Variants in CNTNAP3 observed in about 807,000 individuals in gnomAD.
CNTNAP3 encodes contactin-associated protein-like 3.
A neutral mutation model predicts 92.1 loss-of-function variants in CNTNAP3; 36 were observed. The observed-to-expected ratio is 0.39, with a 90% CI of 0.30 to 0.52. The LOEUF (loss-of-function observed/expected upper bound fraction) is 0.52. Ranked by LOEUF, CNTNAP3 falls within the 20% of genes least tolerant of loss-of-function variation. CNTNAP3 has a pLI of 0.76. For synonymous variants in CNTNAP3, 232 were observed against 422.3 expected, an observed-to-expected ratio of 0.55 and a Z score of 5.53; for missense variants, 534 against 1,069.6, an observed-to-expected ratio of 0.50 and a Z score of 6.98.
chr9:39,136,772 A>G (rs1821447000), intron 12 of CNTNAP3, among the ~76,000 whole-genome samples: 1 of 152,010 alleles, frequency 6.6e-6, no homozygotes, highest in African/African-American at 2.4e-5. Flanking sequence ...ATGGTGTCAC[A>G]TGCCCATAAT....
intron 21 of CNTNAP3, among the ~76,000 whole-genome samples, chr9:39,084,699 GTTTTGGTATAATTACTAAA>G (rs1473960209): frequency 6.6e-6 from 1 of 152,124 alleles, no homozygotes; most frequent in Non-Finnish European, 1.5e-5. Flanking sequence ...TAAAATTGTA[GTTTTGGTATAATTACTAAA>G]TGATGTGAGA....
intron 15 of CNTNAP3, 69 bp from the exon 16 acceptor site, chr9:39,103,983 A>G: frequency 6.7e-7 from 1 of 1,501,178 alleles, no homozygotes; most frequent in East Asian, 2.3e-5. Flanking sequence ...TACATTTGAT[A>G]CTTACAGGAT....
intron 14 of CNTNAP3, 94 bp downstream of exon 14, chr9:39,118,009 C>T: frequency 6.3e-7 from 1 of 1,590,114 alleles, no homozygotes; most frequent in Non-Finnish European, 8.6e-7. Flanking sequence ...ACTTTAGTTA[C>T]CTTATTGTAC....
chr9:39,135,725 T>G (rs1255121337), intron 12 of CNTNAP3, among the ~76,000 whole-genome samples: 1 of 152,168 alleles, frequency 6.6e-6, no homozygotes, highest in Non-Finnish European at 1.5e-5. Flanking sequence ...AACACTTAAA[T>G]CAGCCTACAG....
At position 39,149,973 on chromosome 9, in the gene CNTNAP3, G is replaced by A; in HGVS notation, c.1482C>T (p.Cys494=). The change falls in exon 10 of 24, where the codon TGC becomes TGT. Residue 494 remains cysteine (C), a synonymous_variant. Transcript: ENST00000297668. ...ATCCAGAGCCAGAGCTGTTGTCCAGGCAGCCTAAATATGAAGACAAAAATA... is the reference window on the plus strand; with the variant it reads ...ATCCAGAGCCAGAGCTGTTGTCCAGACAGCCTAAATATGAAGACAAAAATA... ...DSGDTYYFGG[C]LDNSSGSGCK... is the part of the protein sequence containing the mutation. 6.2e-7 allele frequency: 1 copy of A among 1,611,942 alleles called. No homozygotes were observed. The highest frequency in any genetic ancestry group is 2.2e-5 in the East Asian group (1 of 44,878).
chr9:39,125,576 G>T (rs1228800138), intron 13 of CNTNAP3, among the ~76,000 whole-genome samples: 2 of 152,130 alleles, frequency 1.3e-5, no homozygotes, highest in Non-Finnish European at 2.9e-5. Flanking sequence ...CCACCTACAT[G>T]TTGTCTACTG....
intron 13 of CNTNAP3, among the ~76,000 whole-genome samples, chr9:39,127,383 C>A (rs7029701): frequency 0.031 from 4,769 of 151,694 alleles, 127 homozygotes; most frequent in East Asian, 0.11. Context: ...AACTAGAAAA[C>A]AAAATTAACT....
rs1401473097 is a variant in CNTNAP3 at position 39,071,842 on chromosome 9, A to G, written c.*2048T>C. Among the ~76,000 whole-genome samples, 2 of 130,772 alleles carry G rather than the reference A, an allele frequency of 1.5e-5. No homozygotes were observed. Among genetic ancestry groups the G allele is most frequent in the Non-Finnish European group, 3.2e-5 (2 of 63,422 alleles). The allele number at this position is 130,772 out of a possible 152,430, so 85.8% of individuals were successfully genotyped here. A position where few individuals can be genotyped will look rare whatever the true frequency, so the allele number is the denominator to read the frequency against. On this transcript the variant is annotated 3_prime_UTR_variant, in exon 24 of 24. Transcript: ENST00000297668. ...AACAGATGATAAATATCAAACCAAA[A>G]AAGTCAACAAATCTTAATAATCTCA...
rs1230346077 is a variant in CNTNAP3, at chr9:39,065,179, A to G, written c.*8711T>C. Among the ~76,000 whole-genome samples, 1 of 152,244 alleles carries G rather than the reference A, an allele frequency of 6.6e-6. No homozygotes were observed. The highest frequency in any genetic ancestry group is 1.5e-5 in the Non-Finnish European group (1 of 68,014). On this transcript the variant is annotated 3_prime_UTR_variant, in exon 24 of 24. Coordinates refer to ENST00000297668, the MANE Select transcript of CNTNAP3 (RefSeq NM_033655.5). ...CCCACCTCAACCCAGGTAACTACTG[A>G]TACAATTTCTACTGCTATATCTTAG...
At position 39,119,296 on chromosome 9, in the gene CNTNAP3, C is replaced by T. The variant is rs574113124; in HGVS notation, c.2081-1037G>A. Among the ~76,000 whole-genome samples, 6 of 149,294 alleles carry T rather than the reference C, an allele frequency of 4.0e-5. No homozygotes were observed. In the East Asian group the frequency reaches 9.8e-4, roughly 24 times the overall value. ...TTATTACAACTCAATTATAACTCATCCATAGATAAGATCTCTGCATTCATT... is the reference window on the plus strand; with the variant it reads ...TTATTACAACTCAATTATAACTCATTCATAGATAAGATCTCTGCATTCATT... On this transcript the variant is annotated intron_variant, in intron 13 of 23. Coordinates refer to ENST00000297668, the MANE Select transcript of CNTNAP3 (RefSeq NM_033655.5).
chr9:39,077,152 C>A (rs1825799020), intron 23 of CNTNAP3, among the ~76,000 whole-genome samples: 1 of 152,156 alleles, frequency 6.6e-6, no homozygotes, highest in Non-Finnish European at 1.5e-5. Flanking sequence ...GAGATTAGTT[C>A]TTTCCAAAGT....
At chr9:39,082,136 A>G (rs1235490461) in intron 21 of CNTNAP3, among the ~76,000 whole-genome samples, 1 of 151,320 alleles carries the variant, frequency 6.6e-6, no homozygotes, top group East Asian at 1.9e-4. Context: ...AATAAAATGT[A>G]AAATTTAGTC....
rs1825567078 is a variant in CNTNAP3 at position 39,068,663 on chromosome 9, G to A, written c.*5227C>T. Among the ~76,000 whole-genome samples the A allele has an allele frequency of 6.6e-6, 1 of 152,306 alleles. No individual in the cohort carries two copies. Among genetic ancestry groups the A allele is most frequent in the Non-Finnish European group, 1.5e-5 (1 of 68,056 alleles). On this transcript the variant is annotated 3_prime_UTR_variant, in exon 24 of 24. Transcript: ENST00000297668. ...CTCCAATGCAGCTCTTTCCTCGCCG[G>A]TACTCTATCCTGCAATCTCTAGCCA...
chr9:39,136,991 T>C (rs569702401), intron 12 of CNTNAP3, among the ~76,000 whole-genome samples: 2 of 152,208 alleles, frequency 1.3e-5, no homozygotes, highest in South Asian at 4.2e-4. Context: ...TCTTTGGTGT[T>C]CTCTAAACTT....
At chr9:39,110,222 C>T (rs908368082) in intron 14 of CNTNAP3, among the ~76,000 whole-genome samples, 1 of 151,986 alleles carries the variant, frequency 6.6e-6, no homozygotes, top group African/African-American at 2.4e-5. Flanking sequence ...ATAGTGAGGC[C>T]CCGTCTCTAC....
chr9:39,097,862 C>A (rs1587705413), intron 18 of CNTNAP3, among the ~76,000 whole-genome samples: 1 of 150,004 alleles, frequency 6.7e-6, no homozygotes, highest in Non-Finnish European at 1.5e-5. Context: ...CTTCTAAAGA[C>A]TTTCAATAGT....
intron 10 of CNTNAP3, among the ~76,000 whole-genome samples, chr9:39,148,827 A>T (rs1488611775): frequency 2.6e-5 from 4 of 152,070 alleles, no homozygotes; most frequent in Non-Finnish European, 4.4e-5. Context: ...GCCGGGCCAG[A>T]TTATCACTTT....
chr9:39,152,693 T>C (rs1322164596), intron 9 of CNTNAP3, among the ~76,000 whole-genome samples: 1 of 145,150 alleles, frequency 6.9e-6, no homozygotes. Context: ...TCTCGTGCTG[T>C]CGCCTAGGCT....
intron 14 of CNTNAP3, among the ~76,000 whole-genome samples, chr9:39,114,031 T>C (rs1407318444): frequency 5.1e-4 from 67 of 132,196 alleles, no homozygotes; most frequent in African/African-American, 1.5e-3. Context: ...TATACACACA[T>C]ATATACACAC....
Sources: allele counts gnomAD v4.1 joint callset (sites outside exome capture counted in the v4.1 genomes callset), GRCh38; gene constraint gnomAD v4.1.1; transcripts MANE v1.5; gene names NCBI Gene and HGNC (gene_info 2026-07-23, HGNC 2026-07-21).